Variants in PACRG observed in about 807,000 individuals in gnomAD.
PACRG encodes the protein parkin coregulated.
A neutral mutation model predicts 29.7 loss-of-function variants in PACRG; 29 were observed. The observed-to-expected ratio is 0.98, with a 90% CI of 0.73 to 1.33. PACRG has a LOEUF of 1.33. Ranked by LOEUF, PACRG falls within the 40% of genes most tolerant of loss-of-function variation. The pLI is 0.00. For missense variants in PACRG, 279 were observed against 316.2 expected, an observed-to-expected ratio of 0.88 and a Z score of 0.89; for synonymous variants, 116 against 118.7, an observed-to-expected ratio of 0.98 and a Z score of 0.15.
At chr6:162,949,703 T>C (rs1799505317) in intron 2 of PACRG, among the ~76,000 whole-genome samples, 2 of 152,062 alleles carry the variant, frequency 1.3e-5, no homozygotes, top group Non-Finnish European at 1.5e-5. Context: ...GAGTGAAAAA[T>C]AGAGTGAGGG....
At chr6:163,269,046 A>G (rs1327572268) in intron 4 of PACRG, among the ~76,000 whole-genome samples, 1 of 152,236 alleles carries the variant, frequency 6.6e-6, no homozygotes, top group African/African-American at 2.4e-5. Context: ...GTCAGTTTTT[A>G]AAAGATCCTA....
chr6:163,202,908 T>C (rs1168745188), intron 4 of PACRG, among the ~76,000 whole-genome samples: 1 of 152,110 alleles, frequency 6.6e-6, no homozygotes, highest in Non-Finnish European at 1.5e-5. Context: ...TCTGGGTGCC[T>C]TTTCATCTCT....
chr6:163,021,428 C>T (rs746104681), intron 2 of PACRG, among the ~76,000 whole-genome samples: 4 of 152,152 alleles, frequency 2.6e-5, no homozygotes, highest in Admixed American at 6.5e-5. Context: ...CTAAATGTCT[C>T]GTGAATGTCT....
At chr6:162,969,046 C>CAAAAAAAAAAAAAAAA (rs35665491) in intron 2 of PACRG, among the ~76,000 whole-genome samples, 5 of 72,836 alleles carry the variant, frequency 6.9e-5, no homozygotes, top group African/African-American at 1.8e-4. Context: ...GACTCTATCA[C>CAAAAAAAAAAAAAAAA]AAAAAAAAAA....
At position 163,292,105 on chromosome 6, in the gene PACRG, G is replaced by A. The variant is rs1257012839; in HGVS notation, c.614-22722G>A. Among the ~76,000 whole-genome samples, 7 of 152,312 alleles carry A rather than the reference G, an allele frequency of 4.6e-5. No individual in the cohort carries two copies. The South Asian group carries it at 8.3e-4, about 18-fold the overall frequency. On this transcript the variant is annotated intron_variant, in intron 4 of 4. Transcript: ENST00000366888. ...GGATAGAGAGAAGGCAGGAGAGGGC[G>A]GTGGGGAGGTTATTCCAACAGGAAG... is the stretch of plus-strand genomic sequence containing the variant.
Position 162,897,911 on chromosome 6 carries a change from T to TG in PACRG, c.291+83635dup, listed in dbSNP as rs548686872. On this transcript the variant is annotated intron_variant, in intron 2 of 4. Coordinates refer to ENST00000366888, the MANE Select transcript of PACRG (RefSeq NM_001080379.2). The stretch of plus-strand genomic sequence containing the variant: ...GGCACTCAGGGCTTTCATGCTGCAA[T>TG]GGGGGAGTCCCATGGAAGCCAGAAC... Among the ~76,000 whole-genome samples, 23 of 152,230 alleles carry TG rather than the reference T, an allele frequency of 1.5e-4. No homozygotes were observed. In the South Asian group the frequency reaches 3.1e-3, roughly 21 times the overall value.
intron 1 of PACRG, among the ~76,000 whole-genome samples, chr6:162,797,552 C>G (rs115839780): frequency 6.6e-6 from 1 of 152,244 alleles, no homozygotes; most frequent in African/African-American, 2.4e-5. Context: ...GCAATGTTTG[C>G]TTTAATTTTT....
chr6:162,734,440 CTTAAA>C (rs1372815198), intron 1 of PACRG, among the ~76,000 whole-genome samples: 9 of 150,188 alleles, frequency 6.0e-5, no homozygotes, highest in East Asian at 1.9e-4. Context: ...CCTTTATATA[CTTAAA>C]TTAAATTATA....
At chr6:162,890,794 C>T (rs1303355200) in intron 2 of PACRG, among the ~76,000 whole-genome samples, 4 of 152,066 alleles carry the variant, frequency 2.6e-5, no homozygotes, top group Non-Finnish European at 4.4e-5. Flanking sequence ...TGTTGAAAGC[C>T]GTCCAGCAGG....
intron 2 of PACRG, among the ~76,000 whole-genome samples, chr6:163,015,697 G>C (rs1806031122): frequency 6.6e-6 from 1 of 152,060 alleles, no homozygotes; most frequent in African/African-American, 2.4e-5. Flanking sequence ...CATTGATTTT[G>C]TATCCTGAAA....
intron 2 of PACRG, among the ~76,000 whole-genome samples, chr6:162,970,080 C>T (rs932684485): frequency 6.6e-6 from 1 of 152,162 alleles, no homozygotes; most frequent in East Asian, 1.9e-4. Flanking sequence ...GTGGCTTTTT[C>T]ACTCTGTCTG....
At chr6:162,854,486 C>G (rs1322701996) in intron 2 of PACRG, among the ~76,000 whole-genome samples, 3 of 152,060 alleles carry the variant, frequency 2.0e-5, no homozygotes, top group Non-Finnish European at 4.4e-5. Flanking sequence ...CATAATCAGG[C>G]CTCATAGAGA....
chr6:163,223,359 A>G (rs556708044), intron 4 of PACRG, among the ~76,000 whole-genome samples: 67 of 152,168 alleles, frequency 4.4e-4, no homozygotes, highest in Non-Finnish European at 8.2e-4. Context: ...GCGCCGTTGC[A>G]CTCCAGCCTG....
At chr6:163,113,949 C>T (rs1265892482) in intron 4 of PACRG, among the ~76,000 whole-genome samples, 1 of 152,108 alleles carries the variant, frequency 6.6e-6, no homozygotes, top group African/African-American at 2.4e-5. Flanking sequence ...TGTTTTTGGA[C>T]ATACATACAG....
At chr6:162,934,428 G>A (rs764016109) in intron 2 of PACRG, among the ~76,000 whole-genome samples, 11 of 152,126 alleles carry the variant, frequency 7.2e-5, no homozygotes, top group African/African-American at 1.7e-4. Context: ...GGTTCAGGGT[G>A]ACAAATATCC....
At chr6:163,019,248 T>C (rs1388029612) in intron 2 of PACRG, among the ~76,000 whole-genome samples, 1 of 152,216 alleles carries the variant, frequency 6.6e-6, no homozygotes, top group African/African-American at 2.4e-5. Context: ...CCTACTCTTT[T>C]AGAAGGGAGG....
intron 4 of PACRG, among the ~76,000 whole-genome samples, chr6:163,159,384 A>C (rs1562943661): frequency 6.6e-6 from 1 of 150,766 alleles, no homozygotes; most frequent in African/African-American, 2.4e-5. Flanking sequence ...TTGTTATATT[A>C]GTTCTTATTT....
intron 1 of PACRG, among the ~76,000 whole-genome samples, chr6:162,751,777 C>G (rs4388273): frequency 0.93 from 141,049 of 152,166 alleles, 65,538 homozygotes; most frequent in South Asian, 0.97. Context: ...GGTAGAAGAA[C>G]TGCTGTTATT....
Position 163,270,003 on chromosome 6 carries a change from GA to G in PACRG, c.614-44821del, listed in dbSNP as rs1562350596. Reference sequence around the variant, plus strand: ...AGAAAGAAAGAAAGAAAGAAAGAAAGAAAGGAGGGAGGGAGGGAGGGAGGAA... The same window carrying G: ...AGAAAGAAAGAAAGAAAGAAAGAAAGAAGGAGGGAGGGAGGGAGGGAGGAA... On this transcript the variant is annotated intron_variant, in intron 4 of 4. Transcript: ENST00000366888. Among the ~76,000 whole-genome samples the G allele has an allele frequency of 1.2e-4, 14 of 112,378 alleles. 1 individual carries two copies. The highest frequency in any genetic ancestry group is 2.4e-4 in the African/African-American group (7 of 28,770). 73.7% of individuals were successfully genotyped at this position (112,378 alleles called of 152,430 possible).
Sources: gnomAD v4.1 joint callset for allele counts (sites outside exome capture counted in the v4.1 genomes callset) on GRCh38, gnomAD v4.1.1 for gene constraint, MANE v1.5 for transcripts, NCBI Gene and HGNC (gene_info 2026-07-23, HGNC 2026-07-21) for gene names.